Variants in ANKS1B observed in about 807,000 individuals in gnomAD.
The protein encoded by ANKS1B is ankyrin repeat and sterile alpha motif domain containing 1B, also known as ankyrin repeat and sterile alpha motif domain-containing protein 1B.
ANKS1B carries 36 observed loss-of-function variants against 148.3 expected under a neutral mutation model. The ratio of observed to expected loss-of-function variants is 0.24; its 90% CI spans 0.19 to 0.32. The LOEUF is 0.32. ANKS1B is among the 10% of genes least tolerant of loss of function. ANKS1B has a pLI of 1.00. For synonymous variants in ANKS1B, 542 were observed against 560.8 expected (o/e 0.97, Z 0.47); for missense variants, 1,157 against 1,542.6 (o/e 0.75, Z 4.19).
At chr12:99,391,811 T>G (rs189147659) in intron 12 of ANKS1B, among the ~76,000 whole-genome samples, 24 of 152,308 alleles carry the variant, frequency 1.6e-4, no homozygotes, top group Admixed American at 1.4e-3. Flanking sequence ...ACAAAGGCAC[T>G]GGGTGAAAGT....
At chr12:98,959,133 T>C (rs1049266226) in intron 17 of ANKS1B, among the ~76,000 whole-genome samples, 3 of 152,226 alleles carry the variant, frequency 2.0e-5, no homozygotes, top group African/African-American at 7.2e-5. Context: ...TTGGTGTAAA[T>C]GTTTTCAGGG....
intron 17 of ANKS1B, among the ~76,000 whole-genome samples, chr12:98,922,510 T>C (rs2099802789): frequency 6.6e-6 from 1 of 152,218 alleles, no homozygotes; most frequent in African/African-American, 2.4e-5. Flanking sequence ...TTTATTTTTA[T>C]TTTTTTGAGA....
chr12:99,064,942 C>A (rs1371357733), intron 16 of ANKS1B, among the ~76,000 whole-genome samples: 1 of 152,066 alleles, frequency 6.6e-6, no homozygotes, highest in Admixed American at 6.6e-5. Context: ...GACCCTAGAG[C>A]CTTTTGTTAA....
chr12:99,636,101 T>C (rs952882323), intron 9 of ANKS1B, among the ~76,000 whole-genome samples: 1 of 151,786 alleles, frequency 6.6e-6, no homozygotes, highest in Non-Finnish European at 1.5e-5. Flanking sequence ...GCTGGAAAAA[T>C]ACTTTTAAAA....
At chr12:99,168,768 AG>A (rs1381341442) in intron 14 of ANKS1B, among the ~76,000 whole-genome samples, 1 of 152,072 alleles carries the variant, frequency 6.6e-6, no homozygotes, top group African/African-American at 2.4e-5. Context: ...GGTGATCCTG[AG>A]GGGGTGAAAC....
At chr12:99,749,145 G>A (rs6538933) in intron 8 of ANKS1B, among the ~76,000 whole-genome samples, 66,419 of 151,910 alleles carry the variant, frequency 0.44, 14,935 homozygotes, top group South Asian at 0.61. Flanking sequence ...AGTAGGGCTG[G>A]CCCTACCCCT....
At chr12:99,616,144 CACAA>C (rs1347580656) in intron 9 of ANKS1B, among the ~76,000 whole-genome samples, 3 of 151,996 alleles carry the variant, frequency 2.0e-5, no homozygotes, top group Non-Finnish European at 4.4e-5. Flanking sequence ...TCAGAGAGGA[CACAA>C]ACAAATGGAA....
chr12:98,753,855 C>T (rs1044632873), intron 25 of ANKS1B, among the ~76,000 whole-genome samples: 1 of 152,206 alleles, frequency 6.6e-6, no homozygotes, highest in Non-Finnish European at 1.5e-5. Flanking sequence ...CCCATCTCCA[C>T]CCTCATCAAG....
chr12:99,395,262 T>G (rs1042679597), intron 12 of ANKS1B, among the ~76,000 whole-genome samples: 35 of 152,160 alleles, frequency 2.3e-4, no homozygotes, highest in Admixed American at 2.3e-3. Context: ...AGAAGTTAGA[T>G]CATGTGACTT....
chr12:99,687,470 T>C (rs2153495294), intron 8 of ANKS1B, among the ~76,000 whole-genome samples: 1 of 152,332 alleles, frequency 6.6e-6, no homozygotes, highest in Middle Eastern at 3.4e-3. Flanking sequence ...ACACATAGCT[T>C]AGTGGCTGAG....
chr12:99,893,324 T>C (rs1313193863), intron 1 of ANKS1B, among the ~76,000 whole-genome samples: 4 of 147,648 alleles, frequency 2.7e-5, no homozygotes, highest in African/African-American at 1.0e-4. Context: ...GGCAGGAGAA[T>C]GGCATGAACC....
rs943553996 is a variant in ANKS1B, at chr12:99,911,313, G to A, written c.134+72791C>T. Among the ~76,000 whole-genome samples the A allele has an allele frequency of 1.3e-4, 20 of 152,192 alleles. 2 individuals carry two copies. The highest frequency in any genetic ancestry group is 1.1e-3 in the Admixed American group (17 of 15,286). On this transcript the variant is annotated intron_variant, in intron 1 of 26. Coordinates refer to ENST00000683438, the MANE Select transcript of ANKS1B (RefSeq NM_001352186.2). ...AGAACCAAAAGCTGAAACCCAGACC[G>A]CAGTCTGAGTCATGATACAAACTAA... is the stretch of plus-strand genomic sequence containing the variant.
At chr12:99,154,737 A>G (rs972251042) in intron 14 of ANKS1B, 48 of 1,439,596 alleles carry the variant, frequency 3.3e-5, no homozygotes, top group Non-Finnish European at 4.2e-5. Flanking sequence ...GTTCTATGTG[A>G]TTGTTGGAGT....
chr12:98,739,205 G>A (rs143453651), downstream of ANKS1B, among the ~76,000 whole-genome samples: 1 of 152,258 alleles, frequency 6.6e-6, no homozygotes, highest in East Asian at 1.9e-4. Context: ...GGGCTAGAGG[G>A]TCCAAGAGCA....
intron 10 of ANKS1B, among the ~76,000 whole-genome samples, chr12:99,501,042 T>A (rs1443802518): frequency 6.6e-6 from 1 of 152,184 alleles, no homozygotes; most frequent in Non-Finnish European, 1.5e-5. Context: ...AGTTTTAAAT[T>A]GCATGTGTGT....
intron 9 of ANKS1B, among the ~76,000 whole-genome samples, chr12:99,610,651 G>A (rs569364047): frequency 1.3e-5 from 2 of 152,106 alleles, no homozygotes; most frequent in East Asian, 1.9e-4. Flanking sequence ...CAAAGTATTC[G>A]CTTCAGTCCA....
At chr12:99,648,282 G>C (rs755589291) in intron 9 of ANKS1B, 37 of 1,614,076 alleles carry the variant, frequency 2.3e-5, no homozygotes, top group East Asian at 8.9e-5. Flanking sequence ...ACAAAGGCGA[G>C]TATACTATAT....
At chr12:99,605,513 A>G (rs1221207988) in intron 9 of ANKS1B, among the ~76,000 whole-genome samples, 2 of 152,052 alleles carry the variant, frequency 1.3e-5, no homozygotes, top group East Asian at 3.9e-4. Context: ...ACCTCTGGTA[A>G]CAACTATTCC....
chr12:99,315,015 C>T (rs1602745288), intron 12 of ANKS1B, among the ~76,000 whole-genome samples: 1 of 151,972 alleles, frequency 6.6e-6, no homozygotes, highest in South Asian at 2.1e-4. Flanking sequence ...GAGGCTGAGG[C>T]GGGTGGATCA....
Sources: gnomAD v4.1 joint callset for allele counts (sites outside exome capture counted in the v4.1 genomes callset) on GRCh38, gnomAD v4.1.1 for gene constraint, MANE v1.5 for transcripts, NCBI Gene and HGNC (gene_info 2026-07-23, HGNC 2026-07-21) for gene names.